Variants in SIK3 observed in about 807,000 individuals in gnomAD.
SIK3 encodes SIK family kinase 3, also known as serine/threonine-protein kinase SIK3.
SIK3 carries 28 observed loss-of-function variants against 144.2 expected under a neutral mutation model. The ratio of observed to expected loss-of-function variants is 0.19; its 90% CI spans 0.14 to 0.27. The LOEUF is 0.27. SIK3 is among the 10% of genes least tolerant of loss of function. The probability of loss-of-function intolerance (pLI) is 1.00; values close to 1 mark genes in which losing one functional copy is unlikely to be tolerated. For missense variants in SIK3, 1,319 were observed against 1,776.0 expected (o/e 0.74, Z 4.62); for synonymous variants, 686 against 676.3 (o/e 1.01, Z -0.22).
intron 1 of SIK3, among the ~76,000 whole-genome samples, chr11:117,027,282 A>T (rs1952051929): frequency 6.6e-6 from 1 of 152,228 alleles, no homozygotes; most frequent in South Asian, 2.1e-4. Context: ...GTAGTACACA[A>T]GTTTGTCACT....
chr11:117,007,813 C>T (rs1408873686), intron 1 of SIK3, among the ~76,000 whole-genome samples: 1 of 152,100 alleles, frequency 6.6e-6, no homozygotes, highest in Non-Finnish European at 1.5e-5. Flanking sequence ...CCCAGGTGTG[C>T]TGGCTCATGC....
At chr11:117,005,537 T>C (rs1951016181) in intron 1 of SIK3, among the ~76,000 whole-genome samples, 1 of 151,976 alleles carries the variant, frequency 6.6e-6, no homozygotes, top group South Asian at 2.1e-4. Flanking sequence ...TCAGTAGAGA[T>C]CAATGCACAG....
chr11:116,969,018 C>T lies in SIK3; in HGVS notation c.274-11954G>A, dbSNP rs1261993023. On this transcript the variant is annotated intron_variant, in intron 1 of 24. Coordinates refer to ENST00000445177, the MANE Select transcript of SIK3 (RefSeq NM_001366686.3). Reference sequence around the variant, plus strand: ...ATTTAAGATAGACAGACGGCCGACGCGGTGGCTCATGCCTGTAATCCCAGC... The same window carrying T: ...ATTTAAGATAGACAGACGGCCGACGTGGTGGCTCATGCCTGTAATCCCAGC... Among the ~76,000 whole-genome samples the T allele has an allele frequency of 2.6e-5, 4 of 152,206 alleles. No individual in the cohort carries two copies. In the East Asian group the frequency reaches 5.8e-4, roughly 22 times the overall value.
chr11:117,034,457 C>T (rs1362222698), intron 1 of SIK3, among the ~76,000 whole-genome samples: 5 of 152,106 alleles, frequency 3.3e-5, no homozygotes, highest in Admixed American at 6.6e-5. Flanking sequence ...TTGTAAAACA[C>T]GATGCACAAT....
rs1285474537 is a variant in SIK3 at position 116,873,998 on chromosome 11, G to A, written c.1486C>T (p.Gln496Ter). The A allele has an allele frequency of 6.2e-7, 1 of 1,614,104 alleles. No homozygotes were observed. The change falls in exon 12 of 25, where the codon CAG becomes TAG. Residue 496 changes from glutamine (Q) to a stop codon, truncating the protein, a stop_gained. Transcript: ENST00000445177. LOFTEE classifies it high-confidence loss of function. ...GGGGCCACCTGCAGGAATGGAGCCT[G>A]GGGGTTGACTCCAGGAAAGCCAGGT... is the stretch of plus-strand genomic sequence containing the variant. ...LLPGFPGVNP[Q>*]APFLQVAPNV... is the part of the protein sequence containing the mutation.
At chr11:116,950,723 A>G (rs1353394155) in intron 3 of SIK3, among the ~76,000 whole-genome samples, 1 of 152,228 alleles carries the variant, frequency 6.6e-6, no homozygotes, top group Non-Finnish European at 1.5e-5. Context: ...AATCGCAAAT[A>G]AAGCCAACTG....
At chr11:117,037,965 A>G (rs945132955) in intron 1 of SIK3, among the ~76,000 whole-genome samples, 2 of 152,068 alleles carry the variant, frequency 1.3e-5, no homozygotes, top group Admixed American at 1.3e-4. Context: ...AAATCATACC[A>G]CTTTAGTAGT....
chr11:117,031,366 C>CT (rs778165535), intron 1 of SIK3, among the ~76,000 whole-genome samples: 4,749 of 139,536 alleles, frequency 0.034, 187 homozygotes, highest in African/African-American at 0.094. Flanking sequence ...TCCTTTTTTC[C>CT]TTTTTTTTTT....
chr11:116,887,180 G>A (rs1193365976), intron 6 of SIK3, among the ~76,000 whole-genome samples: 2 of 150,396 alleles, frequency 1.3e-5, no homozygotes, highest in South Asian at 2.1e-4. Flanking sequence ...AGAGCCAGGC[G>A]GATTGCTTGA....
chr11:117,047,999 G>A (rs1953043786), intron 1 of SIK3, among the ~76,000 whole-genome samples: 1 of 151,872 alleles, frequency 6.6e-6, no homozygotes, highest in South Asian at 2.1e-4. Context: ...AGTATTCTTA[G>A]GCAAATCTTA....
chr11:116,913,976 T>C (rs11216186), intron 4 of SIK3, among the ~76,000 whole-genome samples: 11,327 of 152,114 alleles, frequency 0.074, 502 homozygotes, highest in Middle Eastern at 0.11. Flanking sequence ...ACATATGGTC[T>C]GATAAGCAGA....
intron 4 of SIK3, chr11:116,905,008 T>C (rs1395508326): frequency 6.0e-6 from 1 of 167,106 alleles, no homozygotes; most frequent in Non-Finnish European, 1.5e-5. Context: ...TTTCACCTTG[T>C]AAGGAAAAGG....
intron 1 of SIK3, among the ~76,000 whole-genome samples, chr11:116,970,667 T>C (rs889647162): frequency 2.6e-5 from 4 of 151,848 alleles, no homozygotes; most frequent in South Asian, 2.1e-4. Context: ...TTATTTCTTT[T>C]AGAGACAGAG....
intron 1 of SIK3, among the ~76,000 whole-genome samples, chr11:117,042,677 T>C (rs1036499541): frequency 3.3e-5 from 5 of 152,208 alleles, no homozygotes; most frequent in Non-Finnish European, 7.3e-5. Flanking sequence ...TGAGTAATCA[T>C]CCTAATTAAG....
At chr11:116,873,360 T>G (rs1454385101) in intron 13 of SIK3, 121 bp downstream of exon 13, 2 of 1,365,336 alleles carry the variant, frequency 1.5e-6, no homozygotes, top group African/African-American at 2.9e-5. Context: ...TGGAGCATCC[T>G]AAGTTTGGAG....
chr11:117,005,867 G>A (rs984897182), intron 1 of SIK3, among the ~76,000 whole-genome samples: 2 of 152,154 alleles, frequency 1.3e-5, no homozygotes, highest in East Asian at 3.8e-4. Flanking sequence ...GACGAAGGCT[G>A]ATCTACTGAA....
At chr11:116,911,672 C>A (rs538130701) in intron 4 of SIK3, among the ~76,000 whole-genome samples, 3 of 152,084 alleles carry the variant, frequency 2.0e-5, no homozygotes, top group Non-Finnish European at 4.4e-5. Context: ...ATATTTAAAA[C>A]GGTTTTGTTG....
At chr11:116,856,420 T>C (rs1254365155) in intron 21 of SIK3, among the ~76,000 whole-genome samples, 1 of 152,188 alleles carries the variant, frequency 6.6e-6, no homozygotes, top group Non-Finnish European at 1.5e-5. Flanking sequence ...ACTTCTATCT[T>C]GATCTTGGTT....
intron 1 of SIK3, among the ~76,000 whole-genome samples, chr11:116,972,086 C>CAAAAAAAAA (rs35775477): frequency 6.3e-5 from 7 of 111,980 alleles, no homozygotes; most frequent in African/African-American, 1.6e-4. Context: ...GACTCGGTCT[C>CAAAAAAAAA]AAAAAAAAAA....
Sources: gnomAD v4.1 joint callset for allele counts (sites outside exome capture counted in the v4.1 genomes callset) on GRCh38, gnomAD v4.1.1 for gene constraint, MANE v1.5 for transcripts, NCBI Gene and HGNC (gene_info 2026-07-23, HGNC 2026-07-21) for gene names.